Variants in NUP155 observed in about 807,000 individuals in gnomAD.
The protein encoded by NUP155 is nucleoporin 155, also known as nuclear pore complex protein Nup155.
A neutral mutation model predicts 180.4 loss-of-function variants in NUP155; 71 were observed. That is an observed-to-expected ratio of 0.39 (90% CI 0.33 to 0.48). The LOEUF (loss-of-function observed/expected upper bound fraction) is 0.48, where lower values mean the gene tolerates loss of function less well. Among genes scored for constraint, NUP155 ranks in the 20% least tolerant of loss-of-function variants. The probability of loss-of-function intolerance (pLI) is 0.91; values close to 1 mark genes in which losing one functional copy is unlikely to be tolerated. For synonymous variants in NUP155, 582 were observed against 559.5 expected (o/e 1.04, Z -0.57); for missense variants, 1,553 against 1,648.9 (o/e 0.94, Z 1.01).
intron 18 of NUP155, among the ~76,000 whole-genome samples, chr5:37,326,957 C>T (rs907381757): frequency 1.3e-5 from 2 of 152,162 alleles, no homozygotes; most frequent in African/African-American, 4.8e-5. Context: ...ACCAACCCTT[C>T]CTCTTCCTAC....
At position 37,342,273 on chromosome 5, in the gene NUP155, C is replaced by T. The variant is rs180994303; in HGVS notation, c.1093+276G>A. 361 of 344,906 alleles carry T rather than the reference C, an allele frequency of 1.0e-3. 1 individual carries two copies. The highest frequency in any genetic ancestry group is 7.4e-3 in the African/African-American group (349 of 47,166). The allele number at this position is 344,906 out of a possible 1,614,324, so 21.4% of individuals were successfully genotyped here. A position where few individuals can be genotyped will look rare whatever the true frequency, so the allele number is the denominator to read the frequency against. On this transcript the variant is annotated intron_variant, in intron 10 of 34. Transcript: ENST00000231498. ...TGTTGCTCAGGTTAGTCTTGAACTC[C>T]TGGGCTCAGGCAATCTGCCTGCCTT...
chr5:37,325,838 T>A (rs79019688), intron 19 of NUP155, 63 bp downstream of exon 19: 1 of 915,598 alleles, frequency 1.1e-6, no homozygotes, highest in Non-Finnish European at 1.8e-6. Flanking sequence ...TGTGAAACAA[T>A]CTAACCATTT....
At position 37,304,769 on chromosome 5, in the gene NUP155, T is replaced by C. The variant is rs748821171; in HGVS notation, c.3132A>G (p.Ile1044Met). Residue 1044 changes from isoleucine to methionine, a missense_variant, in exon 27 of 35, where the codon ATA becomes ATG. Ile to Met is a conservative substitution (Grantham distance 10, BLOSUM62 1). Coordinates refer to ENST00000231498, the MANE Select transcript of NUP155 (RefSeq NM_153485.3). ...LFSIALYNWL[I>M]QVDLADKLLQ... ...GCAGCTTATCTGCAAGGTCGACTTG[T>C]ATTAGCCAATTATAAAGGGCAATAC... 10 of 1,613,386 alleles carry C rather than the reference T, an allele frequency of 6.2e-6. No individual in the cohort carries two copies. The highest frequency in any genetic ancestry group is 2.7e-5 in the African/African-American group (2 of 74,928).
At chr5:37,350,026 T>G in intron 7 of NUP155, 134 bp downstream of exon 7, 1 of 721,334 alleles carries the variant, frequency 1.4e-6, no homozygotes, top group Non-Finnish European at 2.5e-6. Context: ...TTAAAAGACC[T>G]TATGAATATA....
chr5:37,301,377 A>G, intron 30 of NUP155, 60 bp downstream of exon 30: 1 of 1,192,790 alleles, frequency 8.4e-7, no homozygotes, highest in Non-Finnish European at 1.2e-6. Flanking sequence ...GCAAAATAAA[A>G]AACAAAAATT....
intron 25 of NUP155, among the ~76,000 whole-genome samples, 177 bp from the exon 26 acceptor site, chr5:37,305,387 A>G (rs528659320): frequency 1.6e-5 from 2 of 123,340 alleles, no homozygotes. Flanking sequence ...TCTACAAAAA[A>G]TACAAAAAAA....
intron 3 of NUP155, among the ~76,000 whole-genome samples, chr5:37,360,622 C>T (rs569609809): frequency 2.6e-5 from 4 of 151,180 alleles, no homozygotes; most frequent in Non-Finnish European, 5.9e-5. Context: ...TCCGTCTCCA[C>T]TAAAAATACA....
intron 15 of NUP155, 81 bp downstream of exon 15, chr5:37,329,957 G>T: frequency 1.0e-6 from 1 of 993,452 alleles, no homozygotes; most frequent in Non-Finnish European, 1.6e-6. Context: ...GTTTGGCAAG[G>T]CTTTATCACA....
At position 37,338,632 on chromosome 5, in the gene NUP155, C is replaced by T. The variant is rs190157582; in HGVS notation, c.1247-714G>A. Among the ~76,000 whole-genome samples the T allele has an allele frequency of 4.8e-3, 723 of 152,178 alleles. 4 individuals carry two copies. The highest frequency in any genetic ancestry group is 7.6e-3 in the Admixed American group (116 of 15,280). ...GTGTTAGCCAGGATGGTCTCGATCT[C>T]CTGACCTCGTGATCCGCCCAACTTG... On this transcript the variant is annotated intron_variant, in intron 11 of 34. Transcript: ENST00000231498.
chr5:37,319,828 G>A (rs927883876), intron 20 of NUP155, among the ~76,000 whole-genome samples: 7 of 151,996 alleles, frequency 4.6e-5, no homozygotes, highest in African/African-American at 1.7e-4. Flanking sequence ...CCGTGATCAT[G>A]CCACTGCACT....
At chr5:37,298,216 C>T (rs886782384) in intron 32 of NUP155, among the ~76,000 whole-genome samples, 3 of 146,572 alleles carry the variant, frequency 2.0e-5, no homozygotes, top group South Asian at 4.3e-4. Flanking sequence ...CCAGCCTGGG[C>T]GACAGAGAAA....
At chr5:37,366,840 C>T (rs934356608) in intron 1 of NUP155, among the ~76,000 whole-genome samples, 3 of 151,882 alleles carry the variant, frequency 2.0e-5, no homozygotes, top group Non-Finnish European at 2.9e-5. Flanking sequence ...TTAGTAGAGA[C>T]GGGGTGTCAC....
chr5:37,327,871 C>T, intron 17 of NUP155, 95 bp from the exon 18 acceptor site: 2 of 1,370,722 alleles, frequency 1.5e-6, no homozygotes, highest in African/African-American at 1.5e-5. Flanking sequence ...ATCTCTTAAT[C>T]TTAGAACCCA....
intron 32 of NUP155, among the ~76,000 whole-genome samples, chr5:37,297,646 C>T (rs903255302): frequency 6.6e-6 from 1 of 152,018 alleles, no homozygotes; most frequent in African/African-American, 2.4e-5. Context: ...TCCCAAAGTG[C>T]TGGGATTACA....
chr5:37,315,968 T>TA (rs1743858041), intron 21 of NUP155, among the ~76,000 whole-genome samples: 1 of 151,858 alleles, frequency 6.6e-6, no homozygotes, highest in African/African-American at 2.4e-5. Flanking sequence ...AACATAAACA[T>TA]AAAATGCAGT....
chr5:37,349,270 A>G (rs77983250), intron 7 of NUP155, 25 bp from the exon 8 acceptor site: 3 of 725,678 alleles, frequency 4.1e-6, no homozygotes, highest in Non-Finnish European at 6.7e-6. Context: ...AAAAAAAAAA[A>G]GAGAAAAAAG....
At chr5:37,328,649 T>C (rs1309693904) in intron 16 of NUP155, among the ~76,000 whole-genome samples, 2 of 152,024 alleles carry the variant, frequency 1.3e-5, no homozygotes, top group African/African-American at 4.8e-5. Flanking sequence ...GATTACAGGC[T>C]CACACCACCA....
chr5:37,357,211 G>A (rs1746884331), intron 4 of NUP155, among the ~76,000 whole-genome samples: 1 of 151,866 alleles, frequency 6.6e-6, no homozygotes, highest in Non-Finnish European at 1.5e-5. Context: ...TTCAAGACCA[G>A]CCTGGGCAAC....
At chr5:37,310,849 T>C (rs1200364627) in intron 22 of NUP155, 106 bp from the exon 23 acceptor site, 2 of 955,606 alleles carry the variant, frequency 2.1e-6, no homozygotes, top group Admixed American at 5.3e-5. Context: ...ATAGACTCTA[T>C]AATTGAAAAG....
Sources: gnomAD v4.1 joint callset for allele counts (sites outside exome capture counted in the v4.1 genomes callset) on GRCh38, gnomAD v4.1.1 for gene constraint, MANE v1.5 for transcripts, NCBI Gene and HGNC (gene_info 2026-07-23, HGNC 2026-07-21) for gene names.